MIR2052HG: variants seen among roughly 807,000 people sequenced by gnomAD.
The protein encoded by MIR2052HG is MIR2052 host gene.
At chr8:74,734,232 T>G (rs1276887100) in intron 4 of MIR2052HG, among the ~76,000 whole-genome samples, 1 of 152,228 alleles carries the variant, frequency 6.6e-6, no homozygotes, top group African/African-American at 2.4e-5. Context: ...GGCTTAAATG[T>G]GACCTTTGTA....
chr8:74,603,225 A>T (rs1808050631), intron 1 of MIR2052HG: 1 of 1,231,836 alleles, frequency 8.1e-7, no homozygotes. Flanking sequence ...TTCAGAAACT[A>T]CACAGATGGA....
At chr8:74,636,838 A>C (rs1808586921) in intron 2 of MIR2052HG, among the ~76,000 whole-genome samples, 1 of 152,132 alleles carries the variant, frequency 6.6e-6, no homozygotes, top group Non-Finnish European at 1.5e-5. Context: ...ACCACTTTTC[A>C]GAATTTATTG....
At chr8:74,608,558 C>T (rs1474679828) in intron 1 of MIR2052HG, among the ~76,000 whole-genome samples, 2 of 152,064 alleles carry the variant, frequency 1.3e-5, no homozygotes, top group African/African-American at 4.8e-5. Context: ...ATAGTTCACA[C>T]TAAATATTTA....
chr8:74,707,811 A>C (rs1043950012), intron 4 of MIR2052HG, among the ~76,000 whole-genome samples: 1 of 152,248 alleles, frequency 6.6e-6, no homozygotes, highest in Admixed American at 6.5e-5. Flanking sequence ...CAATTCTCTG[A>C]TGTTTGAGAT....
At chr8:74,624,840 A>G (rs1292405053) in intron 2 of MIR2052HG, among the ~76,000 whole-genome samples, 1 of 152,152 alleles carries the variant, frequency 6.6e-6, no homozygotes, top group Non-Finnish European at 1.5e-5. Flanking sequence ...CCGTCTGTAA[A>G]ATAATTCAAC....
chr8:74,754,485 C>G (rs746177466), intron 5 of MIR2052HG, among the ~76,000 whole-genome samples: 5 of 152,026 alleles, frequency 3.3e-5, no homozygotes, highest in Non-Finnish European at 5.9e-5. Context: ...AGACTTGGAG[C>G]TATGAGTGTA....
At chr8:74,747,626 T>G (rs1809900758) in intron 4 of MIR2052HG, among the ~76,000 whole-genome samples, 2 of 152,160 alleles carry the variant, frequency 1.3e-5, no homozygotes, top group African/African-American at 4.8e-5. Flanking sequence ...AATGATCAGG[T>G]AGTATCAGAA....
intron 2 of MIR2052HG, among the ~76,000 whole-genome samples, chr8:74,672,977 A>G (rs997678787): frequency 6.6e-6 from 1 of 152,064 alleles, no homozygotes. Flanking sequence ...GTCAACTACC[A>G]TCATAAAGGA....
chr8:74,647,455 G>A (rs1181039930), intron 2 of MIR2052HG, among the ~76,000 whole-genome samples: 3 of 151,970 alleles, frequency 2.0e-5, no homozygotes, highest in East Asian at 3.9e-4. Flanking sequence ...GCTCCTTCTT[G>A]GCAATAAACA....
rs17354365 is a variant in MIR2052HG, at chr8:74,654,284, G to C, written n.216+41344G>C. On this transcript the variant is annotated intron_variant and non_coding_transcript_variant, in intron 2 of 6. Transcript: ENST00000523442. ...CTTCTCATGAGGAATCTACAAAGGA[G>C]ACTATGACTGACTGGCTGCTTAGAT... is the stretch of plus-strand genomic sequence containing the variant. 7.6e-3 allele frequency among the ~76,000 whole-genome samples: 1,158 copies of C among 152,248 alleles called. 6 individuals carry two copies. Among genetic ancestry groups the C allele is most frequent in the Non-Finnish European group, 0.012 (808 of 68,016 alleles).
At chr8:74,700,001 C>T (rs933011127) in intron 2 of MIR2052HG, among the ~76,000 whole-genome samples, 3 of 152,146 alleles carry the variant, frequency 2.0e-5, no homozygotes, top group African/African-American at 7.2e-5. Flanking sequence ...ACCCGTTTAT[C>T]AACCATTTTG....
intron 2 of MIR2052HG, among the ~76,000 whole-genome samples, chr8:74,673,011 A>G (rs1809009313): frequency 6.6e-6 from 1 of 152,092 alleles, no homozygotes; most frequent in Admixed American, 6.6e-5. Context: ...ATGCAGCTGC[A>G]AGATGAATGA....
intron 4 of MIR2052HG, among the ~76,000 whole-genome samples, chr8:74,725,413 C>T (rs567717944): frequency 4.6e-5 from 7 of 152,274 alleles, no homozygotes; most frequent in African/African-American, 7.2e-5. Flanking sequence ...GGGTTCACCA[C>T]GTATAAAATG....
intron 1 of MIR2052HG, chr8:74,604,108 G>A: frequency 1.1e-6 from 1 of 921,156 alleles, no homozygotes; most frequent in Non-Finnish European, 1.8e-6. Flanking sequence ...GATGTTGATA[G>A]GTGCACCACT....
chr8:74,638,076 A>G (rs74430118), intron 2 of MIR2052HG, among the ~76,000 whole-genome samples: 6,575 of 152,238 alleles, frequency 0.043, 227 homozygotes, highest in Non-Finnish European at 0.053. Flanking sequence ...ATTACTTACA[A>G]TGGGAATCAG....
At chr8:74,602,817 G>A (rs533239981) in intron 1 of MIR2052HG, among the ~76,000 whole-genome samples, 1 of 73,786 alleles carries the variant, frequency 1.4e-5, no homozygotes, top group Admixed American at 1.4e-4. Context: ...GCCCGGCCGT[G>A]TTTCTTTCTT....
At chr8:74,619,280 G>T (rs1586891906) in intron 2 of MIR2052HG, among the ~76,000 whole-genome samples, 2 of 152,142 alleles carry the variant, frequency 1.3e-5, no homozygotes, top group African/African-American at 2.4e-5. Context: ...TCTAAAATTT[G>T]TATGGAACCA....
chr8:74,604,616 G>A (rs1448017914), intron 1 of MIR2052HG, among the ~76,000 whole-genome samples: 50 of 116,392 alleles, frequency 4.3e-4, no homozygotes, highest in African/African-American at 1.5e-3. Flanking sequence ...TTTCTGAGAC[G>A]GAGTCTTGCT....
chr8:74,709,750 G>A (rs1332528569), intron 4 of MIR2052HG, among the ~76,000 whole-genome samples: 2 of 152,108 alleles, frequency 1.3e-5, no homozygotes, highest in African/African-American at 4.8e-5. Context: ...CATGTGTGCT[G>A]TGCTTATGGG....
Sources: gnomAD v4.1 joint callset for allele counts (sites outside exome capture counted in the v4.1 genomes callset) on GRCh38, gnomAD v4.1.1 for gene constraint, MANE v1.5 for transcripts, NCBI Gene and HGNC (gene_info 2026-07-23, HGNC 2026-07-21) for gene names.